Variants in PLCB4 observed in about 807,000 individuals in gnomAD.
PLCB4 encodes 1-phosphatidylinositol 4,5-bisphosphate phosphodiesterase beta-4.
PLCB4 carries 77 observed loss-of-function variants against 178.8 expected under a neutral mutation model. That is an observed-to-expected ratio of 0.43 (90% CI 0.36 to 0.52). PLCB4 has a LOEUF of 0.52. PLCB4 is among the 20% of genes least tolerant of loss of function. PLCB4 has a pLI of 0.00. For synonymous variants in PLCB4, 496 were observed against 490.8 expected (o/e 1.01, Z -0.14); for missense variants, 1,024 against 1,453.4 (o/e 0.70, Z 4.80).
intron 1 of PLCB4, among the ~76,000 whole-genome samples, chr20:9,083,317 G>A (rs759914309): frequency 2.0e-5 from 3 of 151,838 alleles, no homozygotes; most frequent in South Asian, 2.1e-4. Flanking sequence ...CACAGGATAC[G>A]AGACACAGGG....
intron 7 of PLCB4, among the ~76,000 whole-genome samples, chr20:9,348,368 T>G (rs2034015769): frequency 2.6e-5 from 4 of 152,202 alleles, no homozygotes; most frequent in Admixed American, 2.0e-4. Flanking sequence ...GAGACCAGAT[T>G]CTGATTCTGA....
chr20:9,168,946 C>G (rs1210337638), intron 2 of PLCB4, among the ~76,000 whole-genome samples: 3 of 99,262 alleles, frequency 3.0e-5, no homozygotes, highest in Non-Finnish European at 6.7e-5. Flanking sequence ...ATTAAGAAAG[C>G]GTTCAAGCTC....
At chr20:9,267,568 A>C (rs2094361532) in intron 3 of PLCB4, among the ~76,000 whole-genome samples, 1 of 151,810 alleles carries the variant, frequency 6.6e-6, no homozygotes, top group Admixed American at 6.6e-5. Flanking sequence ...TCTCTAGAAA[A>C]TCAGTTATTG....
chr20:9,364,552 T>C (rs2035615204), intron 8 of PLCB4, among the ~76,000 whole-genome samples: 1 of 152,176 alleles, frequency 6.6e-6, no homozygotes, highest in South Asian at 2.1e-4. Context: ...TGCCGCCAAG[T>C]CTGGCACAAA....
At chr20:9,372,424 A>T (rs1198733597) in intron 11 of PLCB4, 21 bp downstream of exon 11, 2 of 1,203,142 alleles carry the variant, frequency 1.7e-6, no homozygotes, top group Non-Finnish European at 2.5e-6. Context: ...CTTATGAGGA[A>T]GTGCCATATA....
At chr20:9,222,476 G>C (rs1296968974) in intron 3 of PLCB4, among the ~76,000 whole-genome samples, 1 of 152,118 alleles carries the variant, frequency 6.6e-6, no homozygotes, top group Non-Finnish European at 1.5e-5. Context: ...CTGTCCAATA[G>C]AAATATTACG....
chr20:9,221,481 G>C (rs1046490543), intron 3 of PLCB4, among the ~76,000 whole-genome samples: 2 of 152,200 alleles, frequency 1.3e-5, no homozygotes, highest in African/African-American at 4.8e-5. Context: ...TGTTATCTGG[G>C]CAGGACACTA....
In PLCB4 at chr20:9,124,843, TGTTA is replaced by T. The variant is rs573236698; in HGVS notation, c.-79+28505_-79+28508del. Among the ~76,000 whole-genome samples, 604 of 152,330 alleles carry T rather than the reference TGTTA, an allele frequency of 4.0e-3. 8 individuals are homozygous for T. The highest frequency in any genetic ancestry group is 5.0e-3 in the Non-Finnish European group (337 of 68,024). ...TTTTTATATGAACTTTGTTTTGCAG[TGTTA>T]GTTGATAAGTCTCATCTTTGTAATT... On this transcript the variant is annotated intron_variant, in intron 2 of 39. Coordinates refer to ENST00000378473, the MANE Select transcript of PLCB4 (RefSeq NM_001377142.1).
chr20:9,178,152 C>T (rs768047043), intron 2 of PLCB4, among the ~76,000 whole-genome samples: 8 of 152,068 alleles, frequency 5.3e-5, no homozygotes, highest in Non-Finnish European at 1.0e-4. Context: ...AACCACGTCT[C>T]CACTAAAAAT....
chr20:9,135,940 A>G lies in PLCB4; in HGVS notation c.-79+39598A>G, dbSNP rs112291069. Among the ~76,000 whole-genome samples the G allele has an allele frequency of 2.9e-3, 442 of 152,214 alleles. 3 individuals are homozygous for G. Among genetic ancestry groups the G allele is most frequent in the Middle Eastern group, 0.014 (4 of 294 alleles). ...AAGAAACTTAGAGCTCCCCTTATCT[A>G]AGTTCATTTGACAGATGAGAAAATT... On this transcript the variant is annotated intron_variant, in intron 2 of 39. Transcript: ENST00000378473.
At chr20:9,427,236 A>G (rs979938359) in intron 28 of PLCB4, among the ~76,000 whole-genome samples, 4 of 152,074 alleles carry the variant, frequency 2.6e-5, no homozygotes, top group African/African-American at 9.7e-5. Flanking sequence ...AAAAACAACA[A>G]CAACAACAAA....
chr20:9,293,171 T>TGGAAA (rs796273144), intron 3 of PLCB4, among the ~76,000 whole-genome samples: 232 of 125,788 alleles, frequency 1.8e-3, no homozygotes, highest in Non-Finnish European at 2.9e-3. Context: ...TGGAATGGAA[T>TGGAAA]GGAAAGGAAA....
In PLCB4 at chr20:9,421,335, C is replaced by T. The variant is rs1160524480; in HGVS notation, c.2193C>T (p.Gly731=). 1.2e-6 allele frequency: 2 copies of T among 1,613,536 alleles called. No individual in the cohort carries two copies. Among genetic ancestry groups the T allele is most frequent in the Admixed American group, 1.7e-5 (1 of 59,966 alleles). Residue 731 remains glycine, a synonymous_variant, in exon 27 of 40, where the codon GGC becomes GGT. Coordinates refer to ENST00000378473, the MANE Select transcript of PLCB4 (RefSeq NM_001377142.1). ...SGQFLSDKKI[G]TYVEVDMYGL... ...AATTCTTATCAGATAAGAAAATTGG[C>T]ACCTACGTAGAGGTGGATATGTATG...
intron 3 of PLCB4, among the ~76,000 whole-genome samples, chr20:9,305,682 C>T (rs558404073): frequency 6.6e-5 from 10 of 152,092 alleles, no homozygotes; most frequent in Admixed American, 3.3e-4. Flanking sequence ...TTAAATTTTT[C>T]AGAGTAGATT....
At chr20:9,436,726 A>T (rs2041796229) in intron 29 of PLCB4, among the ~76,000 whole-genome samples, 1 of 152,194 alleles carries the variant, frequency 6.6e-6, no homozygotes, top group Non-Finnish European at 1.5e-5. Context: ...TCCAGTGCAC[A>T]CGTGGATTGT....
At chr20:9,365,173 A>G (rs1602129943) in intron 8 of PLCB4, among the ~76,000 whole-genome samples, 1 of 152,222 alleles carries the variant, frequency 6.6e-6, no homozygotes, top group Non-Finnish European at 1.5e-5. Context: ...TGAATTTTAG[A>G]TAAGAAACAA....
intron 2 of PLCB4, among the ~76,000 whole-genome samples, chr20:9,155,180 T>TTA (rs1303401821): frequency 6.8e-6 from 1 of 147,116 alleles, no homozygotes; most frequent in African/African-American, 2.5e-5. Context: ...TAGCTCCCTC[T>TTA]TATAAGTGAG....
intron 1 of PLCB4, among the ~76,000 whole-genome samples, chr20:9,094,284 T>C (rs1189950841): frequency 1.3e-5 from 2 of 152,160 alleles, no homozygotes; most frequent in African/African-American, 4.8e-5. Context: ...TAAATATATA[T>C]TTGTTATTTG....
chr20:9,393,570 C>CT lies in PLCB4; in HGVS notation c.1324-15dup, dbSNP rs781060866. On this transcript the variant is annotated splice_polypyrimidine_tract_variant and intron_variant, in intron 17 of 39. Transcript: ENST00000378473. ...AGCACAGCCCTTCCTTAATTCAGCTCTTTCTGTTTCTCTCTAGCTTGAACC... is the reference window on the plus strand; with the variant it reads ...AGCACAGCCCTTCCTTAATTCAGCTCTTTTCTGTTTCTCTCTAGCTTGAACC... The CT allele has an allele frequency of 1.4e-5, 21 of 1,538,012 alleles. No homozygotes were observed. The highest frequency in any genetic ancestry group is 1.7e-5 in the Non-Finnish European group (19 of 1,111,834).
Sources: gnomAD v4.1 joint callset for allele counts (sites outside exome capture counted in the v4.1 genomes callset) on GRCh38, gnomAD v4.1.1 for gene constraint, MANE v1.5 for transcripts, NCBI Gene and HGNC (gene_info 2026-07-23, HGNC 2026-07-21) for gene names.